The following PI4KB variants were observed in gnomAD, a reference collection of about 807,000 sequenced individuals.
The protein encoded by PI4KB is phosphatidylinositol 4-kinase beta, also known as PtdIns 4-kinase beta.
PI4KB carries 23 observed loss-of-function variants against 81.4 expected under a neutral mutation model. The ratio of observed to expected loss-of-function variants is 0.28; its 90% CI spans 0.20 to 0.40. The LOEUF (loss-of-function observed/expected upper bound fraction) is 0.40, where lower values mean the gene tolerates loss of function less well. PI4KB is among the 10% of genes least tolerant of loss of function. The probability of loss-of-function intolerance (pLI) is 1.00; values close to 1 mark genes in which losing one functional copy is unlikely to be tolerated. For synonymous variants in PI4KB, 381 were observed against 406.8 expected (o/e 0.94, Z 0.76); for missense variants, 651 against 1,036.6 (o/e 0.63, Z 5.11).
At chr1:151,307,238 G>C (rs899863284) in intron 4 of PI4KB, among the ~76,000 whole-genome samples, 1 of 152,160 alleles carries the variant, frequency 6.6e-6, no homozygotes, top group African/African-American at 2.4e-5. Flanking sequence ...TATGGTTGCT[G>C]TATCTGGAAA....
chr1:151,310,297 G>C, intron 2 of PI4KB, 42 bp from the exon 3 acceptor site: 14 of 635,136 alleles, frequency 2.2e-5, no homozygotes, highest in East Asian at 3.7e-5. Context: ...GAGGGGGTGG[G>C]AAGGGAGGGG....
intron 2 of PI4KB, among the ~76,000 whole-genome samples, chr1:151,313,949 C>T (rs951821343): frequency 1.3e-5 from 2 of 152,244 alleles, no homozygotes; most frequent in African/African-American, 4.8e-5. Context: ...CTTTCTAAGC[C>T]TCAGTTTCCT....
intron 1 of PI4KB, among the ~76,000 whole-genome samples, chr1:151,325,282 C>T (rs1350368773): frequency 5.3e-5 from 8 of 151,934 alleles, no homozygotes; most frequent in African/African-American, 1.2e-4. Context: ...TGTGAGCCAC[C>T]GCGCCTGGCA....
At position 151,321,743 on chromosome 1, in the gene PI4KB, G is replaced by T. The variant is rs147078372; in HGVS notation, c.-28-5234C>A. On this transcript the variant is annotated intron_variant, in intron 1 of 11. Coordinates refer to ENST00000368873, the MANE Select transcript of PI4KB (RefSeq NM_001369623.2). The stretch of plus-strand genomic sequence containing the variant: ...AAAAAATTAGCCGGGCATGGTGGTG[G>T]GCACCTGTAGTCCCAGCCACTTGGG... Among the ~76,000 whole-genome samples the T allele has an allele frequency of 8.2e-3, 1,244 of 151,414 alleles. 65 individuals carry two copies. The South Asian group carries it at 0.11, about 13-fold the overall frequency.
At chr1:151,325,789 A>C (rs1649524698) in intron 1 of PI4KB, among the ~76,000 whole-genome samples, 1 of 152,202 alleles carries the variant, frequency 6.6e-6, no homozygotes, top group African/African-American at 2.4e-5. Context: ...GGAACCCAAA[A>C]TGTTTTGTAA....
chr1:151,316,571 G>T, intron 1 of PI4KB, 62 bp from the exon 2 acceptor site: 1 of 1,218,626 alleles, frequency 8.2e-7, no homozygotes, highest in Non-Finnish European at 1.1e-6. Context: ...TTGGTTAGTG[G>T]TGCCATCCTC....
chr1:151,317,832 C>T (rs1648200406), intron 1 of PI4KB, among the ~76,000 whole-genome samples: 1 of 148,430 alleles, frequency 6.7e-6, no homozygotes, highest in Non-Finnish European at 1.5e-5. Context: ...TTTTTAGAGA[C>T]AAGTCTTGCT....
intron 1 of PI4KB, chr1:151,324,636 C>CT (rs1008206990): frequency 1.9e-5 from 6 of 323,766 alleles, no homozygotes; most frequent in African/African-American, 1.3e-4. Context: ...GCTGAGAACT[C>CT]TGTGCAGAGC....
intron 7 of PI4KB, 38 bp from the exon 8 acceptor site, chr1:151,302,005 C>T (rs1450731081): frequency 1.2e-6 from 2 of 1,612,062 alleles, no homozygotes; most frequent in East Asian, 4.5e-5. Flanking sequence ...AAGGTTGATG[C>T]CAGGGTGAGG....
chr1:151,293,120 G>A, intron 11 of PI4KB, 87 bp from the exon 12 acceptor site: 1 of 1,548,810 alleles, frequency 6.5e-7, no homozygotes, highest in Non-Finnish European at 8.7e-7. Flanking sequence ...TGGGGCATCT[G>A]AAGTGCCCTT....
At chr1:151,321,369 A>G (rs1262651599) in intron 1 of PI4KB, among the ~76,000 whole-genome samples, 2 of 151,940 alleles carry the variant, frequency 1.3e-5, no homozygotes, top group Non-Finnish European at 2.9e-5. Context: ...ATTTATTATT[A>G]CTATTATTTT....
At chr1:151,321,293 C>T (rs1038623597) in intron 1 of PI4KB, among the ~76,000 whole-genome samples, 9 of 152,194 alleles carry the variant, frequency 5.9e-5, no homozygotes, top group Admixed American at 1.3e-4. Context: ...CAGGCACTGC[C>T]TGCATCTGAA....
intron 6 of PI4KB, among the ~76,000 whole-genome samples, chr1:151,302,501 CA>C (rs926702841): frequency 2.0e-5 from 3 of 152,036 alleles, no homozygotes; most frequent in Non-Finnish European, 4.4e-5. Flanking sequence ...TTAAGATTAC[CA>C]GGCCCTCCAT....
At chr1:151,302,484 GT>G (rs1695367113) in intron 6 of PI4KB, among the ~76,000 whole-genome samples, 186 bp from the exon 7 acceptor site, 1 of 151,670 alleles carries the variant, frequency 6.6e-6, no homozygotes, top group Non-Finnish European at 1.5e-5. Flanking sequence ...TTGTAATCAT[GT>G]TAAAATTAAG....
chr1:151,305,699 G>A (rs1436238776), intron 5 of PI4KB, among the ~76,000 whole-genome samples: 1 of 152,156 alleles, frequency 6.6e-6, no homozygotes, highest in African/African-American at 2.4e-5. Flanking sequence ...TCTCTTTCCA[G>A]TTAGGTCATA....
At chr1:151,301,402 ATT>A (rs773565435) in intron 8 of PI4KB, among the ~76,000 whole-genome samples, 2 of 146,452 alleles carry the variant, frequency 1.4e-5, no homozygotes. Flanking sequence ...TTTTATTTTT[ATT>A]TTTTTTTTTT....
At chr1:151,294,371 C>T (rs747676342) in intron 10 of PI4KB, 38 bp downstream of exon 10, 28 of 1,606,296 alleles carry the variant, frequency 1.7e-5, no homozygotes, top group Admixed American at 3.4e-5. Context: ...AGAAAGAATA[C>T]AATGACCCCC....
At chr1:151,298,691 T>C (rs1695002795) in intron 9 of PI4KB, 117 bp downstream of exon 9, 7 of 1,096,620 alleles carry the variant, frequency 6.4e-6, no homozygotes, top group Admixed American at 3.9e-5. Flanking sequence ...TTAAAATACA[T>C]TGTTTCATTT....
intron 1 of PI4KB, among the ~76,000 whole-genome samples, chr1:151,319,952 G>C (rs372793911): frequency 6.6e-6 from 1 of 152,230 alleles, no homozygotes; most frequent in Non-Finnish European, 1.5e-5. Context: ...AGGAGGCCTA[G>C]AGATTCTTTA....
Sources: allele counts gnomAD v4.1 joint callset (sites outside exome capture counted in the v4.1 genomes callset), GRCh38; gene constraint gnomAD v4.1.1; transcripts MANE v1.5; gene names NCBI Gene and HGNC (gene_info 2026-07-23, HGNC 2026-07-21).